The following VEZT variants were observed in gnomAD, a reference collection of about 807,000 sequenced individuals.
VEZT encodes vezatin.
VEZT carries 39 observed loss-of-function variants against 79.9 expected under a neutral mutation model. That is an observed-to-expected ratio of 0.49 (90% CI 0.38 to 0.64). The LOEUF (loss-of-function observed/expected upper bound fraction) is 0.64, where lower values mean the gene tolerates loss of function less well. VEZT is among the 30% of genes least tolerant of loss of function. The pLI, the probability that VEZT is intolerant of heterozygous loss-of-function variation, is 0.00. For missense variants in VEZT, 837 were observed against 893.1 expected (o/e 0.94, Z 0.80); for synonymous variants, 325 against 327.6 (o/e 0.99, Z 0.09).
At chr12:95,258,167 G>C (rs1480959159) in intron 3 of VEZT, 23 of 439,354 alleles carry the variant, frequency 5.2e-5, no homozygotes, top group East Asian at 4.2e-4. Flanking sequence ...TTTGTTCAGG[G>C]TTTCATCTTT....
chr12:95,240,028 GGA>G (rs2060762349), intron 1 of VEZT, among the ~76,000 whole-genome samples: 14 of 48,864 alleles, frequency 2.9e-4, no homozygotes, highest in African/African-American at 9.1e-4. Flanking sequence ...AAGAAAGGAA[GGA>G]AGGAAGGAAG....
intron 6 of VEZT, among the ~76,000 whole-genome samples, chr12:95,271,039 T>A (rs955231139): frequency 6.6e-6 from 1 of 152,194 alleles, no homozygotes; most frequent in Non-Finnish European, 1.5e-5. Context: ...CAAACCTTTG[T>A]AGCTAGATTT....
intron 1 of VEZT, 121 bp downstream of exon 1, chr12:95,218,007 C>A: frequency 2.0e-6 from 2 of 1,000,806 alleles, no homozygotes; most frequent in Non-Finnish European, 2.8e-6. Context: ...TGGCCTCGAC[C>A]ACCGAACCCC....
At chr12:95,221,540 A>C (rs955803703) in intron 1 of VEZT, among the ~76,000 whole-genome samples, 23 of 151,982 alleles carry the variant, frequency 1.5e-4, no homozygotes, top group Admixed American at 5.9e-4. Flanking sequence ...TCTCAAAAAA[A>C]AAAAATAAAG....
rs1172896751 is a variant in VEZT at position 95,301,666 on chromosome 12, T to C, written c.*993T>C. 1 of 152,254 alleles carries C rather than the reference T, an allele frequency of 6.6e-6. No homozygotes were observed. Among genetic ancestry groups the C allele is most frequent in the East Asian group, 1.9e-4 (1 of 5,200 alleles). 9.4% of individuals were successfully genotyped at this position (152,254 alleles called of 1,614,324 possible). On this transcript the variant is annotated 3_prime_UTR_variant, in exon 12 of 12. Coordinates refer to ENST00000436874, the MANE Select transcript of VEZT (RefSeq NM_017599.4). ...TTGCATTTTCAAAGAGTAATTATTT[T>C]CAGCATATACAGTTTTGAAACCTGT...
intron 1 of VEZT, among the ~76,000 whole-genome samples, chr12:95,234,271 T>G (rs1273650281): frequency 6.7e-6 from 1 of 149,942 alleles, no homozygotes; most frequent in East Asian, 2.0e-4. Flanking sequence ...TAGCCAAATT[T>G]TCTATCAATA....
In VEZT at chr12:95,302,678, TAA is replaced by T. The variant is rs1331133842; in HGVS notation, c.*2007_*2008del. The T allele has an allele frequency of 6.6e-6, 1 of 152,176 alleles. No individual in the cohort carries two copies. Among genetic ancestry groups the T allele is most frequent in the East Asian group, 1.9e-4 (1 of 5,200 alleles). The allele number at this position is 152,176 out of a possible 1,614,324, so 9.4% of individuals were successfully genotyped here. On this transcript the variant is annotated 3_prime_UTR_variant, in exon 12 of 12. Transcript: ENST00000436874. The stretch of plus-strand genomic sequence containing the variant: ...AGTGGGGTAACTACATCAAAATAAA[TAA>T]AGTCTTATTTTTAAAATGCAAATTT...
At chr12:95,291,908 C>T (rs1201722893) in intron 9 of VEZT, among the ~76,000 whole-genome samples, 2 of 152,154 alleles carry the variant, frequency 1.3e-5, no homozygotes, top group Non-Finnish European at 2.9e-5. Flanking sequence ...AAATGATCCT[C>T]CTGCCTCAGC....
At chr12:95,235,084 G>A (rs879564796) in intron 1 of VEZT, among the ~76,000 whole-genome samples, 2 of 151,792 alleles carry the variant, frequency 1.3e-5, no homozygotes, top group South Asian at 2.1e-4. Flanking sequence ...GCAACCATCC[G>A]ATTTCTCAAT....
At chr12:95,233,942 G>C (rs1021763769) in intron 1 of VEZT, among the ~76,000 whole-genome samples, 5 of 152,078 alleles carry the variant, frequency 3.3e-5, no homozygotes, top group African/African-American at 1.2e-4. Flanking sequence ...AAAATTGCTA[G>C]GTCAACGGAT....
chr12:95,288,806 G>A (rs2071695183), intron 9 of VEZT, among the ~76,000 whole-genome samples: 1 of 152,072 alleles, frequency 6.6e-6, no homozygotes, highest in African/African-American at 2.4e-5. Flanking sequence ...AATCTACCAA[G>A]AAACTCTGAT....
intron 9 of VEZT, among the ~76,000 whole-genome samples, chr12:95,289,089 A>AAAAAT (rs1555292132): frequency 2.0e-5 from 2 of 101,692 alleles, no homozygotes; most frequent in African/African-American, 7.7e-5. Context: ...CTCAAAAAAA[A>AAAAAT]AAATAAATAA....
chr12:95,232,147 A>G (rs1179756819), intron 1 of VEZT, among the ~76,000 whole-genome samples: 2 of 152,210 alleles, frequency 1.3e-5, no homozygotes, highest in African/African-American at 2.4e-5. Flanking sequence ...TTAGACCTAT[A>G]GCTTTAAGCT....
intron 1 of VEZT, among the ~76,000 whole-genome samples, chr12:95,240,761 G>A (rs1460200699): frequency 6.6e-6 from 1 of 152,070 alleles, no homozygotes; most frequent in African/African-American, 2.4e-5. Context: ...TTCCATTTTG[G>A]TCATTGCTTT....
intron 9 of VEZT, among the ~76,000 whole-genome samples, chr12:95,288,889 A>G (rs1354773443): frequency 6.6e-6 from 1 of 152,024 alleles, no homozygotes; most frequent in Non-Finnish European, 1.5e-5. Context: ...TTCTACAAAT[A>G]GAAACACTCA....
chr12:95,242,910 A>AT (rs1291492882), intron 1 of VEZT, among the ~76,000 whole-genome samples: 1 of 150,774 alleles, frequency 6.6e-6, no homozygotes, highest in Non-Finnish European at 1.5e-5. Context: ...GTAAAATGAT[A>AT]TTTTCCCCAG....
At chr12:95,293,255 C>T (rs2073395703) in intron 9 of VEZT, among the ~76,000 whole-genome samples, 2 of 152,232 alleles carry the variant, frequency 1.3e-5, no homozygotes, top group African/African-American at 2.4e-5. Flanking sequence ...CTCATTAGTG[C>T]TTCCTATTAA....
In VEZT at chr12:95,251,984, C is replaced by G; in HGVS notation, c.81C>G (p.Asp27Glu). 6.2e-7 allele frequency: 1 copy of G among 1,612,836 alleles called. No homozygotes were observed. Among genetic ancestry groups the G allele is most frequent in the Non-Finnish European group, 8.5e-7 (1 of 1,179,358 alleles). The change falls in exon 2 of 12, where the codon GAC (aspartate) becomes GAG (glutamate). Residue 27 changes from aspartate to glutamate, a missense_variant. Asp to Glu is a conservative substitution (Grantham distance 45). Coordinates refer to ENST00000436874, the MANE Select transcript of VEZT (RefSeq NM_017599.4). ...ACTTACAGGATCTGGGACACACAGA[C>G]TTTGAAATATGTTCTTCTTTGTCAC... ...YQYLQDLGHT[D>E]FEICSSLSPK...
At chr12:95,282,278 T>G (rs780149912) in intron 7 of VEZT, 35 bp from the exon 8 acceptor site, 1 of 1,289,856 alleles carries the variant, frequency 7.8e-7, no homozygotes, top group South Asian at 1.4e-5. Flanking sequence ...ACCAATATTT[T>G]TATTGATCTA....
Sources: gnomAD v4.1 joint callset for allele counts (sites outside exome capture counted in the v4.1 genomes callset) on GRCh38, gnomAD v4.1.1 for gene constraint, MANE v1.5 for transcripts, NCBI Gene and HGNC (gene_info 2026-07-23, HGNC 2026-07-21) for gene names.